SEC14L1: variants seen among roughly 807,000 people sequenced by gnomAD.
SEC14L1 encodes SEC14-like protein 1.
SEC14L1 carries 48 observed loss-of-function variants against 85.3 expected under a neutral mutation model. The ratio of observed to expected loss-of-function variants is 0.56; its 90% confidence interval spans 0.45 to 0.72. The LOEUF is 0.72. Ranked by LOEUF, SEC14L1 falls within the 30% of genes least tolerant of loss-of-function variation. The pLI is 0.00. For missense variants in SEC14L1, 682 were observed against 921.4 expected (o/e 0.74, Z 3.36); for synonymous variants, 391 against 355.5 (o/e 1.10, Z -1.12).
At chr17:77,188,412 CT>C (rs10706544) in intron 3 of SEC14L1, among the ~76,000 whole-genome samples, 130,266 of 143,070 alleles carry the variant, frequency 0.91, 59,751 homozygotes, top group East Asian at 0.97. Context: ...ACTGCTGAGG[CT>C]TTTTTTTTTT....
At chr17:77,202,991 A>G (rs1248611400) in intron 9 of SEC14L1, among the ~76,000 whole-genome samples, 7 of 151,616 alleles carry the variant, frequency 4.6e-5, no homozygotes, top group Non-Finnish European at 1.0e-4. Flanking sequence ...TGGGGTTTTA[A>G]GGATTTTTAG....
chr17:77,214,128 C>T lies in SEC14L1; in HGVS notation c.*105C>T. ...GCGACATTGTACAGACTCCTCTCAC[C>T]TCTAGATAGCAAATAGCTCTCAGAT... On this transcript the variant is annotated 3_prime_UTR_variant, in exon 17 of 17. Coordinates refer to ENST00000436233, the MANE Select transcript of SEC14L1 (RefSeq NM_001143998.2). The T allele has an allele frequency of 6.7e-7, 1 of 1,489,274 alleles. No individual in the cohort carries two copies. The highest frequency in any genetic ancestry group is 1.4e-5 in the South Asian group (1 of 73,378). 92.3% of individuals were successfully genotyped at this position (1,489,274 alleles called of 1,614,324 possible).
chr17:77,110,095 G>T (rs1043182615), intron 3 of SEC14L1, among the ~76,000 whole-genome samples: 22 of 152,276 alleles, frequency 1.4e-4, no homozygotes, highest in Middle Eastern at 6.8e-3. Flanking sequence ...GCATGGAGTT[G>T]TTTACCCGGT....
At chr17:77,177,380 G>A (rs1425827733) in intron 3 of SEC14L1, among the ~76,000 whole-genome samples, 2 of 144,072 alleles carry the variant, frequency 1.4e-5, no homozygotes, top group African/African-American at 5.2e-5. Context: ...AGATACAATT[G>A]ATCAGGCATA....
chr17:77,209,384 C>T lies in SEC14L1; in HGVS notation c.1519C>T (p.Arg507Trp), dbSNP rs1471319795. ...EGGLVPKSLY[R>W]TAEELENEDL... ...TGGACTGGTCCCCAAATCTCTGTAC[C>T]GGACTGCAGAGGAGCTGGAGAACGA... Residue 507 changes from arginine to tryptophan, a missense_variant, in exon 14 of 17, where the codon CGG becomes TGG. Physicochemically the swap from Arg to Trp is moderately radical, Grantham distance 101. This residue lies in a region of SEC14L1 where 420 missense variants were observed against 619.5 expected (regional missense o/e 0.68). Coordinates refer to ENST00000436233, the MANE Select transcript of SEC14L1 (RefSeq NM_001143998.2). 1.9e-6 allele frequency: 3 copies of T among 1,613,940 alleles called. No individual in the cohort carries two copies. Among genetic ancestry groups the T allele is most frequent in the Admixed American group, 1.7e-5 (1 of 59,986 alleles).
At chr17:77,181,205 C>T (rs1024180639) in intron 3 of SEC14L1, 2 of 152,370 alleles carry the variant, frequency 1.3e-5, no homozygotes, top group Non-Finnish European at 2.9e-5. Flanking sequence ...TGCTGATGCT[C>T]TCCCTGCCAG....
chr17:77,138,297 C>T (rs1972852873), upstream of SEC14L1, among the ~76,000 whole-genome samples: 1 of 152,052 alleles, frequency 6.6e-6, no homozygotes, highest in African/African-American at 2.4e-5. Flanking sequence ...TAATGTTAGT[C>T]CTACAAAGGC....
At chr17:77,203,969 C>T (rs981614654) in intron 10 of SEC14L1, among the ~76,000 whole-genome samples, 3 of 152,036 alleles carry the variant, frequency 2.0e-5, no homozygotes, top group Admixed American at 6.6e-5. Context: ...CAGCAGACCT[C>T]TTGATAGCAT....
At chr17:77,122,762 G>C (rs1247092474) in intron 3 of SEC14L1, among the ~76,000 whole-genome samples, 6 of 152,228 alleles carry the variant, frequency 3.9e-5, no homozygotes, top group Admixed American at 3.9e-4. Context: ...CAGAAGGAGG[G>C]CCTGGGCCTG....
intron 3 of SEC14L1, among the ~76,000 whole-genome samples, chr17:77,151,523 A>G (rs1356964770): frequency 6.6e-6 from 1 of 152,150 alleles, no homozygotes; most frequent in Non-Finnish European, 1.5e-5. Context: ...GTTGTGGTGC[A>G]GTAGGAAAAT....
At chr17:77,116,004 C>G (rs896372518) in intron 3 of SEC14L1, among the ~76,000 whole-genome samples, 1 of 151,822 alleles carries the variant, frequency 6.6e-6, no homozygotes, top group Non-Finnish European at 1.5e-5. Context: ...TCGCAGCCTC[C>G]AACTCCTGGG....
Position 77,206,749 on chromosome 17 carries a change from A to G in SEC14L1, c.1363A>G (p.Asn455Asp). 1 of 1,611,190 alleles carries G rather than the reference A, an allele frequency of 6.2e-7. No homozygotes were observed. Among genetic ancestry groups the G allele is most frequent in the South Asian group, 1.1e-5 (1 of 90,502 alleles). ...ACAGGTTAGTCCGTTCATTGATGAC[A>G]ACACCAGAAGGAAGTTCCTCATTTA... Reference protein sequence around the residue: ...WTLVSPFIDDNTRRKFLIYAG... With the variant: ...WTLVSPFIDDDTRRKFLIYAG... Residue 455 changes from asparagine (N) to aspartate (D), a missense_variant, in exon 13 of 17, where the codon AAC becomes GAC. Around this residue, in one of 3 missense-constraint regions of SEC14L1, gnomAD observed 420 missense variants for 619.5 expected, o/e 0.68. Transcript: ENST00000436233. The surrounding 1 kb of genome is among the most constrained non-coding windows in gnomAD (Gnocchi z 4.3).
chr17:77,204,530 T>A (rs1246628894), intron 10 of SEC14L1, among the ~76,000 whole-genome samples: 5 of 146,052 alleles, frequency 3.4e-5, no homozygotes, highest in South Asian at 2.3e-4. Flanking sequence ...AGCTTTTTTT[T>A]TTTTTTTTTT....
intron 4 of SEC14L1, 80 bp downstream of exon 4, chr17:77,191,032 A>AG (rs1423477772): frequency 6.4e-7 from 1 of 1,564,910 alleles, no homozygotes; most frequent in Non-Finnish European, 8.7e-7. Context: ...GGCGTCCTGG[A>AG]GGGAGAGGGC....
intron 3 of SEC14L1, among the ~76,000 whole-genome samples, chr17:77,118,792 GCATT>G (rs1972234846): frequency 6.6e-6 from 1 of 152,200 alleles, no homozygotes; most frequent in Admixed American, 6.5e-5. Context: ...CCTCTTTACA[GCATT>G]CCTCTCTGAT....
At chr17:77,125,431 G>GT (rs566199942) in intron 3 of SEC14L1, among the ~76,000 whole-genome samples, 25,276 of 145,924 alleles carry the variant, frequency 0.17, 3,005 homozygotes, top group African/African-American at 0.35. Context: ...GAAGTTGCAG[G>GT]TTTTTTTTTT....
rs758062006 is a variant in SEC14L1, at chr17:77,216,519, GCTTTCT to G, written c.*2511_*2516del. ...TCACAAGGGCCTGAAGGTGGTCCCT[GCTTTCT>G]CTTTCTCTTTCTCTGTGTCTCAGAT... is the stretch of plus-strand genomic sequence containing the variant. On this transcript the variant is annotated 3_prime_UTR_variant, in exon 17 of 17. Coordinates refer to ENST00000436233, the MANE Select transcript of SEC14L1 (RefSeq NM_001143998.2). 47 of 1,613,138 alleles carry G rather than the reference GCTTTCT, an allele frequency of 2.9e-5. No homozygotes were observed. The highest frequency in any genetic ancestry group is 1.3e-4 in the South Asian group (12 of 91,086).
In SEC14L1 at chr17:77,213,780, A is replaced by G. The variant is rs1314036255; in HGVS notation, c.2043-138A>G. ...TCCCCCTGGTGGGTTACTCATGTCC[A>G]TCCCCCGTTTGCAAGCACTGATGGG... On this transcript the variant is annotated intron_variant, in intron 16 of 16. Coordinates refer to ENST00000436233, the MANE Select transcript of SEC14L1 (RefSeq NM_001143998.2). This position sits in a 1 kb window ranked among gnomAD's most constrained non-coding sequence, Gnocchi z 7.1. 3.5e-6 allele frequency: 4 copies of G among 1,158,928 alleles called. No individual in the cohort carries two copies. Among genetic ancestry groups the G allele is most frequent in the Admixed American group, 3.7e-5 (2 of 54,078 alleles). 71.8% of individuals were successfully genotyped at this position (1,158,928 alleles called of 1,614,324 possible).
intron 3 of SEC14L1, among the ~76,000 whole-genome samples, chr17:77,150,701 C>T (rs1488328750): frequency 6.6e-6 from 1 of 152,176 alleles, no homozygotes; most frequent in Non-Finnish European, 1.5e-5. Flanking sequence ...GGCAGCTGTG[C>T]CCATGTCGTT....
Sources: allele counts gnomAD v4.1 joint callset (sites outside exome capture counted in the v4.1 genomes callset), GRCh38; gene constraint gnomAD v4.1.1; regional missense constraint gnomAD v4.1.1; non-coding constraint Gnocchi (gnomAD v3.1); transcripts MANE v1.5; gene names NCBI Gene and HGNC (gene_info 2026-07-23, HGNC 2026-07-21).